Variants in FER observed in about 807,000 individuals in gnomAD.
FER encodes tyrosine-protein kinase Fer.
In FER, 63 loss-of-function variants were observed where a neutral mutation model predicts 111.0. The observed-to-expected ratio is 0.57, with a 90% CI of 0.46 to 0.70. The LOEUF (loss-of-function observed/expected upper bound fraction) is 0.70, where lower values mean the gene tolerates loss of function less well. Ranked by LOEUF, FER falls within the 30% of genes least tolerant of loss-of-function variation. The probability of loss-of-function intolerance (pLI) is 0.00; values close to 1 mark genes in which losing one functional copy is unlikely to be tolerated. For synonymous variants in FER, 327 were observed against 313.9 expected (o/e 1.04, Z -0.44); for missense variants, 914 against 954.0 (o/e 0.96, Z 0.55).
At chr5:108,785,837 G>C (rs2150009297) in intron 2 of FER, among the ~76,000 whole-genome samples, 1 of 152,352 alleles carries the variant, frequency 6.6e-6, no homozygotes, top group East Asian at 1.9e-4. Context: ...GGGTGAGGTA[G>C]GCGTAAGTCA....
intron 1 of FER, among the ~76,000 whole-genome samples, chr5:108,756,836 T>C (rs1054852902): frequency 9.9e-5 from 15 of 152,200 alleles, no homozygotes; most frequent in Non-Finnish European, 1.8e-4. Context: ...CTCAACATTT[T>C]AACCTCCCAG....
At chr5:109,010,672 A>G (rs943336693) in intron 13 of FER, among the ~76,000 whole-genome samples, 2 of 151,984 alleles carry the variant, frequency 1.3e-5, no homozygotes, top group Non-Finnish European at 2.9e-5. Context: ...GGTCCATGGC[A>G]TTATCTGTAG....
intron 8 of FER, among the ~76,000 whole-genome samples, chr5:108,879,701 A>G (rs192365119): frequency 1.0e-5 from 1 of 99,128 alleles, no homozygotes; most frequent in Non-Finnish European, 2.0e-5. Context: ...ATTAAAAAAA[A>G]ATATATATAT....
intron 5 of FER, among the ~76,000 whole-genome samples, chr5:108,845,033 TATATATAC>T (rs1761834020): frequency 5.3e-4 from 29 of 54,468 alleles, no homozygotes; most frequent in African/African-American, 1.4e-3. Context: ...TATATATATA[TATATATAC>T]ATATATATAT....
At chr5:108,876,971 A>G (rs1395382083) in intron 8 of FER, among the ~76,000 whole-genome samples, 3 of 152,064 alleles carry the variant, frequency 2.0e-5, no homozygotes, top group Middle Eastern at 3.2e-3. Flanking sequence ...CTTTTGTTAT[A>G]TAAATACCTA....
intron 5 of FER, among the ~76,000 whole-genome samples, chr5:108,863,356 AG>A (rs1437842265): frequency 6.6e-6 from 1 of 152,122 alleles, no homozygotes; most frequent in Non-Finnish European, 1.5e-5. Context: ...CCTGACCTCA[AG>A]TAATCCGCCC....
intron 13 of FER, among the ~76,000 whole-genome samples, chr5:109,018,035 A>G (rs1158006861): frequency 6.6e-6 from 1 of 151,726 alleles, no homozygotes; most frequent in African/African-American, 2.4e-5. Context: ...AGAAAGCATC[A>G]TGTATGTATG....
At chr5:109,061,230 A>G (rs778367656) in intron 16 of FER, among the ~76,000 whole-genome samples, 1 of 152,188 alleles carries the variant, frequency 6.6e-6, no homozygotes, top group African/African-American at 2.4e-5. Flanking sequence ...TGAAAATTTG[A>G]AACCTCTGAT....
chr5:109,002,435 A>G (rs1257293624), intron 13 of FER, among the ~76,000 whole-genome samples: 1 of 151,810 alleles, frequency 6.6e-6, no homozygotes, highest in Non-Finnish European at 1.5e-5. Flanking sequence ...GAAAGCTGAA[A>G]CTGGATCCCT....
intron 5 of FER, among the ~76,000 whole-genome samples, chr5:108,852,642 G>A (rs1196325099): frequency 6.6e-6 from 1 of 152,034 alleles, no homozygotes; most frequent in Non-Finnish European, 1.5e-5. Flanking sequence ...ACAGTTGTTG[G>A]TCATGAATTC....
intron 9 of FER, among the ~76,000 whole-genome samples, chr5:108,890,627 C>T (rs1747886641): frequency 6.6e-6 from 1 of 152,050 alleles, no homozygotes; most frequent in African/African-American, 2.4e-5. Context: ...CCATTAATGG[C>T]CTATCCTACT....
intron 2 of FER, chr5:108,782,884 T>C (rs1395006000): frequency 6.6e-6 from 1 of 152,274 alleles, no homozygotes; most frequent in East Asian, 1.9e-4. Flanking sequence ...TCTTCTTCTA[T>C]TGAATTACTG....
intron 10 of FER, chr5:108,924,703 G>T: frequency 2.4e-6 from 3 of 1,232,068 alleles, no homozygotes; most frequent in Non-Finnish European, 3.0e-6. Context: ...GGATCAGCTG[G>T]AGTCTGGTTT....
intron 13 of FER, among the ~76,000 whole-genome samples, chr5:108,996,341 C>G (rs538710116): frequency 6.6e-6 from 1 of 152,208 alleles, no homozygotes; most frequent in African/African-American, 2.4e-5. Context: ...TTGCCCATGC[C>G]CATGTCCTGA....
rs556351225 is a variant in FER at position 108,997,256 on chromosome 5, A to T, written c.1656+37909A>T. ...CCGTCTCTACTAAAAAAAAAAAAAA[A>T]ATACAAAAAAAATTAGCCGGGCTTG... On this transcript the variant is annotated intron_variant, in intron 13 of 19. Coordinates refer to ENST00000281092, the MANE Select transcript of FER (RefSeq NM_005246.4). Among the ~76,000 whole-genome samples the T allele has an allele frequency of 5.3e-5, 8 of 150,392 alleles. 1 individual carries two copies. The South Asian group carries it at 1.5e-3, about 28-fold the overall frequency.
At chr5:108,772,973 A>C (rs1753089337) in intron 2 of FER, among the ~76,000 whole-genome samples, 1 of 152,212 alleles carries the variant, frequency 6.6e-6, no homozygotes, top group Admixed American at 6.5e-5. Flanking sequence ...AGCTAAGCAC[A>C]ATCAGAAAAG....
intron 13 of FER, among the ~76,000 whole-genome samples, chr5:108,992,900 G>T (rs905110721): frequency 3.0e-4 from 45 of 151,852 alleles, no homozygotes; most frequent in Admixed American, 2.3e-3. Context: ...CATCCCAGAC[G>T]GGGCGGCGGG....
At chr5:108,871,570 C>G in intron 7 of FER, 68 bp downstream of exon 7, 1 of 1,177,362 alleles carries the variant, frequency 8.5e-7, no homozygotes. Flanking sequence ...AATAGTTAAC[C>G]ACAGATAAAA....
chr5:108,946,532 C>G (rs1158630092), intron 11 of FER, among the ~76,000 whole-genome samples: 2 of 151,804 alleles, frequency 1.3e-5, no homozygotes, highest in Non-Finnish European at 2.9e-5. Flanking sequence ...TTGATTCTTA[C>G]TGGAATAATA....
Sources: gnomAD v4.1 joint callset for allele counts (sites outside exome capture counted in the v4.1 genomes callset) on GRCh38, gnomAD v4.1.1 for gene constraint, MANE v1.5 for transcripts, NCBI Gene and HGNC (gene_info 2026-07-23, HGNC 2026-07-21) for gene names.